Variants in ACSL5 observed in about 807,000 individuals in gnomAD.
ACSL5 encodes the protein long-chain-fatty-acid--CoA ligase 5.
ACSL5 carries 50 observed loss-of-function variants against 84.9 expected under a neutral mutation model. The ratio of observed to expected loss-of-function variants is 0.59; its 90% CI spans 0.47 to 0.75. ACSL5 has a LOEUF of 0.75. Ranked by LOEUF, ACSL5 falls within the 30% of genes least tolerant of loss-of-function variation. The pLI, the probability that ACSL5 is intolerant of heterozygous loss-of-function variation, is 0.00. For synonymous variants in ACSL5, 280 were observed against 300.7 expected, an observed-to-expected ratio of 0.93 and a Z score of 0.71; for missense variants, 775 against 830.4, an observed-to-expected ratio of 0.93 and a Z score of 0.82.
chr10:112,404,648 C>T (rs1229325547), intron 4 of ACSL5, 57 bp from the exon 5 acceptor site: 4 of 1,598,596 alleles, frequency 2.5e-6, no homozygotes, highest in Non-Finnish European at 3.4e-6. Context: ...CGATATTGGT[C>T]AGTTTTTGGT....
intron 1 of ACSL5, among the ~76,000 whole-genome samples, chr10:112,390,685 TAG>T (rs1372223622): frequency 6.6e-6 from 1 of 151,968 alleles, no homozygotes; most frequent in South Asian, 2.1e-4. Flanking sequence ...GATAGATAGA[TAG>T]ATAGATAGAT....
intron 2 of ACSL5, chr10:112,396,291 C>T (rs1843744642): frequency 6.6e-6 from 1 of 152,166 alleles, no homozygotes; most frequent in South Asian, 2.1e-4. Context: ...TTCTCAGCAT[C>T]TCTTGATTCC....
At chr10:112,376,284 A>C in intron 1 of ACSL5, 1 of 1,613,944 alleles carries the variant, frequency 6.2e-7, no homozygotes. Context: ...AGAACTGGGG[A>C]CACTCTGGGC....
chr10:112,403,117 C>A (rs1399370453), intron 3 of ACSL5, among the ~76,000 whole-genome samples: 23 of 152,092 alleles, frequency 1.5e-4, no homozygotes, highest in Admixed American at 1.5e-3. Context: ...TGTTTTTTTA[C>A]AAGCCTTGAT....
At chr10:112,415,156 A>G (rs1379191297) in intron 12 of ACSL5, among the ~76,000 whole-genome samples, 1 of 152,198 alleles carries the variant, frequency 6.6e-6, no homozygotes, top group African/African-American at 2.4e-5. Flanking sequence ...ATTGTATAAT[A>G]TAATACCTAA....
intron 1 of ACSL5, among the ~76,000 whole-genome samples, chr10:112,390,744 G>C (rs1353686765): frequency 6.6e-6 from 1 of 152,068 alleles, no homozygotes; most frequent in Non-Finnish European, 1.5e-5. Flanking sequence ...GCCATAAAAA[G>C]AAACGAAGTA....
chr10:112,426,228 GC>G (rs1705498782), intron 18 of ACSL5, 29 bp from the exon 19 acceptor site: 1 of 1,575,588 alleles, frequency 6.3e-7, no homozygotes, highest in African/African-American at 1.4e-5. Context: ...CTTCTCTCAT[GC>G]CCTTGCACCT....
intron 1 of ACSL5, among the ~76,000 whole-genome samples, chr10:112,390,865 A>G (rs1849547211): frequency 6.6e-6 from 1 of 152,198 alleles, no homozygotes; most frequent in South Asian, 2.1e-4. Flanking sequence ...GAATAGATAA[A>G]TCCATAGCAA....
In ACSL5 at chr10:112,408,424, G is replaced by T. The variant is rs151027490; in HGVS notation, c.435G>T (p.Trp145Cys). 5 of 1,606,256 alleles carry T rather than the reference G, an allele frequency of 3.1e-6. No individual in the cohort carries two copies. The highest frequency in any genetic ancestry group is 4.3e-6 in the Non-Finnish European group (5 of 1,173,092). The change falls in exon 6 of 21, where the codon TGG becomes TGT. Residue 145 changes from tryptophan to cysteine, a missense_variant and splice_region_variant. Physicochemically the swap from Trp to Cys is radical, Grantham distance 215 (BLOSUM62 -2). Coordinates refer to ENST00000354655, the MANE Select transcript of ACSL5 (RefSeq NM_203379.2). ...TACTTGAACTTCTCTCTGTACAGTG[G>T]ATCATCTCCGAATTGGCTTGTTACA... ...VGIFAQNRPEWIISELACYTY... is the reference protein window; with the variant it reads ...VGIFAQNRPECIISELACYTY...
chr10:112,416,927 T>G lies in ACSL5; in HGVS notation c.1123T>G (p.Leu375Val). Residue 375 changes from leucine to valine, a missense_variant, in exon 13 of 21, where the codon TTG (leucine) becomes GTG (valine). Leu to Val is a conservative substitution (Grantham distance 32). Transcript: ENST00000354655. ...EAKTPLKKFL[L>V]KLAVSSKFKE... ...CAAGACACCCTTGAAGAAGTTCTTG[T>G]TGAAGCTGGCTGTTTCCAGTAAATT... The G allele has an allele frequency of 6.2e-7, 1 of 1,614,144 alleles. No homozygotes were observed. Among genetic ancestry groups the G allele is most frequent in the South Asian group, 1.1e-5 (1 of 91,080 alleles).
intron 5 of ACSL5, among the ~76,000 whole-genome samples, chr10:112,407,502 A>G (rs1342440224): frequency 6.6e-6 from 1 of 152,054 alleles, no homozygotes. Context: ...GATTACAGGC[A>G]TGAACCACTG....
chr10:112,381,299 G>A (rs950736154), intron 1 of ACSL5, among the ~76,000 whole-genome samples: 2 of 152,178 alleles, frequency 1.3e-5, no homozygotes, highest in Non-Finnish European at 2.9e-5. Context: ...GAACTATATC[G>A]GCCAAGTGTT....
chr10:112,419,152 T>C (rs1220648236), intron 14 of ACSL5: 1 of 151,682 alleles, frequency 6.6e-6, no homozygotes, highest in African/African-American at 2.4e-5. Context: ...ATTATCAAAC[T>C]TTCTTCCAGA....
chr10:112,412,516 A>C (rs1564740439), intron 11 of ACSL5: 1 of 152,944 alleles, frequency 6.5e-6, no homozygotes, highest in Non-Finnish European at 1.5e-5. Flanking sequence ...CAGGCTTTTC[A>C]GGCTATTTTG....
intron 14 of ACSL5, among the ~76,000 whole-genome samples, chr10:112,418,323 T>C (rs1397501764): frequency 6.6e-6 from 1 of 152,176 alleles, no homozygotes; most frequent in Non-Finnish European, 1.5e-5. Flanking sequence ...GGCTCATGCC[T>C]GTAATCCCAG....
At chr10:112,402,538 AAGTT>A (rs1262244819) in intron 3 of ACSL5, among the ~76,000 whole-genome samples, 2 of 152,188 alleles carry the variant, frequency 1.3e-5, no homozygotes, top group African/African-American at 4.8e-5. Context: ...GCTTCAGGGA[AAGTT>A]AGTCTGAGAC....
chr10:112,417,854 G>A lies in ACSL5; in HGVS notation c.1227G>A (p.Leu409=), dbSNP rs1844355205. The A allele has an allele frequency of 6.2e-7, 1 of 1,614,070 alleles. No homozygotes were observed. The highest frequency in any genetic ancestry group is 8.5e-7 in the Non-Finnish European group (1 of 1,179,954). The part of the protein sequence containing the change: ...KLIFAKIQDS[L]GGRVRVIVTG... ...TTGTTTCCACTGAACAGGACAGCCT[G>A]GGCGGAAGGGTTCGTGTAATTGTCA... Residue 409 remains leucine (L), a synonymous_variant, in exon 14 of 21, where the codon CTG becomes CTA. Coordinates refer to ENST00000354655, the MANE Select transcript of ACSL5 (RefSeq NM_203379.2).
rs1323783125 is a variant in ACSL5 at position 112,374,123 on chromosome 10, G to A, written c.-176G>A. The A allele has an allele frequency of 1.3e-5, 2 of 152,136 alleles. No homozygotes were observed. The highest frequency in any genetic ancestry group is 4.8e-5 in the African/African-American group (2 of 41,388). The allele number at this position is 152,136 out of a possible 1,614,324, so 9.4% of individuals were successfully genotyped here. ...CAGGGGAGTGTGTTGGCCACTCTCA[G>A]GACAGTACACAGTAGCTTCGGGTGT... is the stretch of plus-strand genomic sequence containing the variant. On this transcript the variant is annotated 5_prime_UTR_variant, in exon 1 of 21. Coordinates refer to ENST00000354655, the MANE Select transcript of ACSL5 (RefSeq NM_203379.2).
Position 112,377,570 on chromosome 10 carries a change from G to T in ACSL5, c.-30+3301G>T, listed in dbSNP as rs546281330. Reference sequence around the variant, plus strand: ...ACAAACAAACAAATAAAAAAACATTGAAAACTGACTTAGTTTTCTTTTAAA... The same window carrying T: ...ACAAACAAACAAATAAAAAAACATTTAAAACTGACTTAGTTTTCTTTTAAA... On this transcript the variant is annotated intron_variant, in intron 1 of 20. Coordinates refer to ENST00000354655, the MANE Select transcript of ACSL5 (RefSeq NM_203379.2). Among the ~76,000 whole-genome samples, 7 of 152,184 alleles carry T rather than the reference G, an allele frequency of 4.6e-5. No individual in the cohort carries two copies. In the East Asian group the frequency reaches 1.4e-3, roughly 29 times the overall value.
Sources: gnomAD v4.1 joint callset for allele counts (sites outside exome capture counted in the v4.1 genomes callset) on GRCh38, gnomAD v4.1.1 for gene constraint, MANE v1.5 for transcripts, NCBI Gene and HGNC (gene_info 2026-07-23, HGNC 2026-07-21) for gene names.